The following GLIS1 variants were observed in gnomAD, a reference collection of about 807,000 sequenced individuals.
GLIS1 encodes zinc finger protein GLIS1.
Under a neutral mutation model 63.8 loss-of-function variants are expected in GLIS1, and 24 were observed. The ratio of observed to expected loss-of-function variants is 0.38; its 90% confidence interval spans 0.27 to 0.53. The LOEUF is 0.53. GLIS1 is among the 20% of genes least tolerant of loss of function. The pLI, the probability that GLIS1 is intolerant of heterozygous loss-of-function variation, is 0.85. For synonymous variants in GLIS1, 450 were observed against 482.5 expected (o/e 0.93, Z 0.88); for missense variants, 1,036 against 1,074.1 (o/e 0.96, Z 0.50).
At chr1:53,683,398 G>A (rs780468396) in intron 2 of GLIS1, among the ~76,000 whole-genome samples, 7 of 152,162 alleles carry the variant, frequency 4.6e-5, no homozygotes, top group Non-Finnish European at 7.3e-5. Flanking sequence ...ACCATGAGCA[G>A]AGACTATGAT....
intron 4 of GLIS1, among the ~76,000 whole-genome samples, chr1:53,582,242 GGCACTGGT>G (rs1645092475): frequency 6.6e-6 from 1 of 152,214 alleles, no homozygotes; most frequent in African/African-American, 2.4e-5. Flanking sequence ...AAGCAGAGCT[GGCACTGGT>G]GCAAGCCTGT....
chr1:53,537,513 G>A (rs931608963), intron 4 of GLIS1, among the ~76,000 whole-genome samples: 1 of 152,242 alleles, frequency 6.6e-6, no homozygotes, highest in African/African-American at 2.4e-5. Flanking sequence ...ACCACCGGGA[G>A]CCTGAACCTG....
chr1:53,716,005 C>T (rs903842826), intron 2 of GLIS1, among the ~76,000 whole-genome samples: 5 of 152,140 alleles, frequency 3.3e-5, no homozygotes, highest in African/African-American at 4.8e-5. Context: ...GGGCGAGAGT[C>T]GCACTGCAGG....
At chr1:53,536,150 A>G (rs4126639) in intron 4 of GLIS1, among the ~76,000 whole-genome samples, 58,132 of 151,912 alleles carry the variant, frequency 0.38, 11,480 homozygotes, top group Admixed American at 0.44. Context: ...AGAATGATAC[A>G]GGCACCTTCT....
At chr1:53,632,210 T>C (rs1040049957) in intron 2 of GLIS1, among the ~76,000 whole-genome samples, 4 of 145,390 alleles carry the variant, frequency 2.8e-5, no homozygotes, top group Admixed American at 2.7e-4. Context: ...AGTGAATGAC[T>C]GAAGGGCGTG....
intron 4 of GLIS1, among the ~76,000 whole-genome samples, chr1:53,554,341 C>T (rs1327882412): frequency 1.3e-5 from 2 of 152,208 alleles, no homozygotes; most frequent in East Asian, 3.9e-4. Flanking sequence ...CCAAGTCCTT[C>T]CTTCAGGGTA....
intron 2 of GLIS1, among the ~76,000 whole-genome samples, chr1:53,610,235 T>G (rs1317499764): frequency 6.6e-6 from 1 of 152,218 alleles, no homozygotes; most frequent in Non-Finnish European, 1.5e-5. Flanking sequence ...ATTTATATAT[T>G]TCTCAAAACC....
In GLIS1 at chr1:53,539,997, G is replaced by C. The variant is rs538938198; in HGVS notation, c.1321-10045C>G. On this transcript the variant is annotated intron_variant, in intron 4 of 10. Transcript: ENST00000628545. This position sits in a 1 kb window ranked among gnomAD's most constrained non-coding sequence, Gnocchi z 5.0. ...GGTGTCCTCTGCTCAAGGTGCCCCT[G>C]TTCACTGGCCAGTCCTCCTTGTCAC... Among the ~76,000 whole-genome samples, 1 of 152,178 alleles carries C rather than the reference G, an allele frequency of 6.6e-6. No individual in the cohort carries two copies. Among genetic ancestry groups the C allele is most frequent in the African/African-American group, 2.4e-5 (1 of 41,444 alleles).
In GLIS1 at chr1:53,636,530, T is replaced by C. The variant is rs549520750; in HGVS notation, c.260-36252A>G. On this transcript the variant is annotated intron_variant, in intron 2 of 10. Coordinates refer to ENST00000628545, the MANE Select transcript of GLIS1 (RefSeq NM_001367484.1). ...TTGGTAGTAAAATGCTGAATAGATA[T>C]TGGAAGCAAGACGTCTGCCATCACT... is the stretch of plus-strand genomic sequence containing the variant. Among the ~76,000 whole-genome samples, 15 of 152,300 alleles carry C rather than the reference T, an allele frequency of 9.8e-5. 1 individual carries two copies. The South Asian group carries it at 1.2e-3, about 13-fold the overall frequency.
chr1:53,690,033 C>A (rs1357297403), intron 2 of GLIS1, among the ~76,000 whole-genome samples: 4 of 152,230 alleles, frequency 2.6e-5, no homozygotes, highest in Non-Finnish European at 5.9e-5. Flanking sequence ...GGCTCCCTGA[C>A]CCTGAGTCAC....
At chr1:53,616,815 G>A (rs140184514) in intron 2 of GLIS1, among the ~76,000 whole-genome samples, 5 of 152,286 alleles carry the variant, frequency 3.3e-5, no homozygotes, top group Non-Finnish European at 4.4e-5. Flanking sequence ...AAGTCCCTCC[G>A]AGGCTCGGGA....
At chr1:53,674,264 G>A (rs565259984) in intron 2 of GLIS1, among the ~76,000 whole-genome samples, 37 of 152,096 alleles carry the variant, frequency 2.4e-4, no homozygotes, top group African/African-American at 8.9e-4. Flanking sequence ...TTTGATCAGT[G>A]CTACCCAACG....
intron 4 of GLIS1, among the ~76,000 whole-genome samples, chr1:53,548,421 T>A (rs1644726528): frequency 6.6e-6 from 1 of 152,162 alleles, no homozygotes; most frequent in Admixed American, 6.5e-5. Flanking sequence ...GGGCCACATA[T>A]CACGCATGGA....
chr1:53,595,766 A>T (rs1404745598), intron 3 of GLIS1, among the ~76,000 whole-genome samples: 1 of 152,200 alleles, frequency 6.6e-6, no homozygotes, highest in Non-Finnish European at 1.5e-5. Flanking sequence ...TAATTGTATG[A>T]CACTTCGCCC....
rs754330510 is a variant in GLIS1 at position 53,506,739 on chromosome 1, C to T, written c.2268G>A (p.Ala756=). The stretch of plus-strand genomic sequence containing the variant: ...CATCTTCAGATGGCTGCTGTGGCAG[C>T]GCTGTGGGGCATGAGGCCTCAGCCA... ...EALAEASCPT[A]LPQQPSEDVV... is the part of the protein sequence containing the mutation. Residue 756 remains alanine, a synonymous_variant, in exon 11 of 11, where the codon GCG becomes GCA. Transcript: ENST00000628545. The T allele has an allele frequency of 3.0e-5, 49 of 1,612,444 alleles. No homozygotes were observed. Among genetic ancestry groups the T allele is most frequent in the South Asian group, 5.5e-5 (5 of 91,088 alleles).
chr1:53,571,565 CAAT>C (rs1416620065), intron 4 of GLIS1, among the ~76,000 whole-genome samples: 1 of 151,466 alleles, frequency 6.6e-6, no homozygotes, highest in Non-Finnish European at 1.5e-5. Flanking sequence ...TAGCTGCACA[CAAT>C]AATATGGATA....
intron 2 of GLIS1, among the ~76,000 whole-genome samples, chr1:53,723,835 A>C (rs893928489): frequency 6.6e-6 from 1 of 152,242 alleles, no homozygotes; most frequent in Non-Finnish European, 1.5e-5. Context: ...GTAAAAACTC[A>C]GTAATTTGTT....
intron 4 of GLIS1, among the ~76,000 whole-genome samples, chr1:53,557,617 T>C (rs1644847206): frequency 6.6e-6 from 1 of 152,164 alleles, no homozygotes; most frequent in South Asian, 2.1e-4. Context: ...CCTGACCTCA[T>C]CAGGTAGGCC....
intron 4 of GLIS1, among the ~76,000 whole-genome samples, chr1:53,533,998 C>A (rs1179805221): frequency 6.6e-6 from 1 of 152,088 alleles, no homozygotes; most frequent in Non-Finnish European, 1.5e-5. Flanking sequence ...GTTACACACA[C>A]GGACCCTGGT....
Sources: gnomAD v4.1 joint callset for allele counts (sites outside exome capture counted in the v4.1 genomes callset) on GRCh38, gnomAD v4.1.1 for gene constraint, Gnocchi (gnomAD v3.1) non-coding constraint, MANE v1.5 for transcripts, NCBI Gene and HGNC (gene_info 2026-07-23, HGNC 2026-07-21) for gene names.